The following PCDH7 variants were observed in gnomAD, a reference collection of about 807,000 sequenced individuals.
The protein encoded by PCDH7 is protocadherin-7.
A neutral mutation model predicts 58.9 loss-of-function variants in PCDH7; 17 were observed. The ratio of observed to expected loss-of-function variants is 0.29; its 90% confidence interval spans 0.20 to 0.43. The LOEUF is 0.43. Ranked by LOEUF, PCDH7 falls within the 20% of genes least tolerant of loss-of-function variation. The pLI is 1.00. For missense variants in PCDH7, 1,274 were observed against 1,441.0 expected (o/e 0.88, Z 1.88); for synonymous variants, 664 against 616.4 (o/e 1.08, Z -1.14).
intron 3 of PCDH7, among the ~76,000 whole-genome samples, chr4:31,064,317 G>A (rs1484338006): frequency 6.6e-6 from 1 of 151,930 alleles, no homozygotes; most frequent in African/African-American, 2.4e-5. Context: ...CCTTTAAAAT[G>A]TTGGCCCATG....
At chr4:30,929,822 A>G (rs966802598) in intron 2 of PCDH7, among the ~76,000 whole-genome samples, 1 of 152,120 alleles carries the variant, frequency 6.6e-6, no homozygotes, top group Non-Finnish European at 1.5e-5. Context: ...CCAGTGCCCA[A>G]TGCTGAATTG....
At chr4:31,142,084 A>C (rs1204075516) in intron 3 of PCDH7, among the ~76,000 whole-genome samples, 1 of 152,298 alleles carries the variant, frequency 6.6e-6, no homozygotes, top group East Asian at 1.9e-4. Flanking sequence ...AATCCAGAAA[A>C]TTGTCTATTT....
At chr4:30,748,616 C>A (rs1302275827) in intron 1 of PCDH7, among the ~76,000 whole-genome samples, 1 of 152,144 alleles carries the variant, frequency 6.6e-6, no homozygotes, top group African/African-American at 2.4e-5. Context: ...TTCTAAAAGG[C>A]CCTACTACCT....
intron 3 of PCDH7, among the ~76,000 whole-genome samples, chr4:31,058,840 G>A (rs1179207789): frequency 6.6e-6 from 1 of 151,872 alleles, no homozygotes; most frequent in East Asian, 1.9e-4. Context: ...GAGGACAATA[G>A]AATGAATAGA....
At chr4:30,816,989 A>C (rs917957280) in intron 1 of PCDH7, among the ~76,000 whole-genome samples, 1 of 152,188 alleles carries the variant, frequency 6.6e-6, no homozygotes, top group African/African-American at 2.4e-5. Flanking sequence ...CAGCGAGCAC[A>C]TAGAGAGTAC....
intron 2 of PCDH7, among the ~76,000 whole-genome samples, chr4:30,938,325 A>T (rs770555123): frequency 6.6e-6 from 1 of 152,156 alleles, no homozygotes; most frequent in Non-Finnish European, 1.5e-5. Flanking sequence ...ATCTACTTGT[A>T]CGTGATATGC....
At chr4:31,127,687 A>C (rs191004156) in intron 3 of PCDH7, among the ~76,000 whole-genome samples, 7 of 152,260 alleles carry the variant, frequency 4.6e-5, no homozygotes, top group African/African-American at 1.7e-4. Context: ...GTGGTTGTTG[A>C]GGATGTAACT....
intron 1 of PCDH7, among the ~76,000 whole-genome samples, chr4:30,915,127 T>G (rs1742273758): frequency 6.6e-6 from 1 of 152,200 alleles, no homozygotes; most frequent in African/African-American, 2.4e-5. Flanking sequence ...ATGTTTATTT[T>G]AAAGCAAAAC....
intron 1 of PCDH7, among the ~76,000 whole-genome samples, chr4:30,912,812 C>T (rs1741967030): frequency 1.3e-5 from 2 of 152,126 alleles, no homozygotes; most frequent in South Asian, 2.1e-4. Context: ...GGGAAAGCAT[C>T]TGCACTCTTA....
chr4:30,931,031 G>A (rs1744512006), intron 2 of PCDH7, among the ~76,000 whole-genome samples: 1 of 152,174 alleles, frequency 6.6e-6, no homozygotes, highest in Admixed American at 6.5e-5. Context: ...TGGGAAAGTA[G>A]TAACTATCAA....
At chr4:30,792,875 G>A (rs373040063) in intron 1 of PCDH7, among the ~76,000 whole-genome samples, 1 of 152,104 alleles carries the variant, frequency 6.6e-6, no homozygotes, top group Non-Finnish European at 1.5e-5. Context: ...GCTGCCTCCC[G>A]ATAATACATT....
intron 1 of PCDH7, among the ~76,000 whole-genome samples, chr4:30,860,888 T>C (rs1192808001): frequency 1.3e-5 from 2 of 152,188 alleles, no homozygotes; most frequent in East Asian, 3.9e-4. Context: ...TAGTACCCAG[T>C]ATGCTGTCAT....
At chr4:31,009,305 C>A (rs1374031910) in intron 3 of PCDH7, among the ~76,000 whole-genome samples, 4 of 151,912 alleles carry the variant, frequency 2.6e-5, no homozygotes, top group Admixed American at 1.3e-4. Flanking sequence ...AAAAATCTCA[C>A]TCGTATTAGT....
At chr4:30,748,325 T>C (rs1718034713) in intron 1 of PCDH7, among the ~76,000 whole-genome samples, 2 of 152,220 alleles carry the variant, frequency 1.3e-5, no homozygotes, top group Admixed American at 6.5e-5. Context: ...GAGTTTGTTT[T>C]CTGTGCTGTA....
At chr4:30,821,633 C>G (rs191815262) in intron 1 of PCDH7, among the ~76,000 whole-genome samples, 210 of 152,284 alleles carry the variant, frequency 1.4e-3, no homozygotes, top group African/African-American at 4.8e-3. Flanking sequence ...TACAAATGCA[C>G]TTGTCTTCTT....
At chr4:30,978,747 G>A (rs372272987) in intron 3 of PCDH7, among the ~76,000 whole-genome samples, 4 of 152,038 alleles carry the variant, frequency 2.6e-5, no homozygotes, top group East Asian at 3.9e-4. Flanking sequence ...TTTTGTTTTA[G>A]TAATATCTGT....
At chr4:30,730,018 C>T (rs1429500264) in intron 1 of PCDH7, among the ~76,000 whole-genome samples, 7 of 151,934 alleles carry the variant, frequency 4.6e-5, no homozygotes, top group African/African-American at 1.7e-4. Context: ...TACTTCAACA[C>T]AGCAATCTAC....
chr4:30,905,757 G>A (rs1740836186), intron 1 of PCDH7, among the ~76,000 whole-genome samples: 1 of 152,178 alleles, frequency 6.6e-6, no homozygotes, highest in Non-Finnish European at 1.5e-5. Context: ...AGCCTTACAA[G>A]GGCTTGACTC....
At chr4:31,099,329 A>G (rs1714592422) in intron 3 of PCDH7, among the ~76,000 whole-genome samples, 1 of 152,162 alleles carries the variant, frequency 6.6e-6, no homozygotes, top group Non-Finnish European at 1.5e-5. Flanking sequence ...CAGCATATAC[A>G]GGCTGCAGGG....
Sources: allele counts gnomAD v4.1 joint callset (sites outside exome capture counted in the v4.1 genomes callset), GRCh38; gene constraint gnomAD v4.1.1; transcripts MANE v1.5; gene names NCBI Gene and HGNC (gene_info 2026-07-23, HGNC 2026-07-21).